Variants in OR1B1 observed in about 807,000 individuals in gnomAD.
The protein encoded by OR1B1 is olfactory receptor 1B1.
For synonymous variants in OR1B1, 168 were observed against 156.2 expected (o/e 1.08, Z -0.57); for missense variants, 414 against 402.1 (o/e 1.03, Z -0.25).
At chr9:122,653,639 C>A in the OR1B1 span, among the ~76,000 whole-genome samples, 1 of 152,122 alleles carries the variant, frequency 6.6e-6, no homozygotes, top group African/African-American at 2.4e-5. Flanking sequence ...TGTTCTTAAA[C>A]ACCCACCATA....
At chr9:122,629,093 G>T in exon 1 of OR1B1, 1 of 1,614,060 alleles carries the variant, frequency 6.2e-7, no homozygotes, top group African/African-American at 1.3e-5. Flanking sequence ...CCAGCTCAAG[G>T]CTAGTAAGCA....
chr9:122,644,824 C>T, the OR1B1 span, among the ~76,000 whole-genome samples: 1 of 152,208 alleles, frequency 6.6e-6, no homozygotes, highest in East Asian at 1.9e-4. Context: ...AGGACAGGCA[C>T]ACGCAAGCCC....
chr9:122,630,540 A>G (rs930293526), upstream of OR1B1, among the ~76,000 whole-genome samples: 1 of 152,216 alleles, frequency 6.6e-6, no homozygotes, highest in Non-Finnish European at 1.5e-5. Context: ...TAGGTCTTCC[A>G]TACTGATACT....
the OR1B1 span, among the ~76,000 whole-genome samples, chr9:122,641,211 T>C: frequency 8.7e-4 from 133 of 152,278 alleles, no homozygotes; most frequent in Non-Finnish European, 1.6e-3. Flanking sequence ...TTCTGAACAA[T>C]AGTGGTGAAT....
exon 1 of OR1B1, chr9:122,629,515 A>G (rs766679322): frequency 3.1e-6 from 5 of 1,607,650 alleles, no homozygotes; most frequent in Non-Finnish European, 4.2e-6. Flanking sequence ...AGTGTGAAGC[A>G]TTAGGGGCAA....
At chr9:122,655,847 A>G in the OR1B1 span, among the ~76,000 whole-genome samples, 1 of 152,098 alleles carries the variant, frequency 6.6e-6, no homozygotes, top group East Asian at 1.9e-4. Context: ...ACATTAAAAA[A>G]AAAAAAAAGT....
the OR1B1 span, among the ~76,000 whole-genome samples, chr9:122,641,295 A>C: frequency 6.6e-6 from 1 of 152,250 alleles, no homozygotes; most frequent in Non-Finnish European, 1.5e-5. Context: ...TTTTCAAAAA[A>C]TAATTACTGA....
the OR1B1 span, among the ~76,000 whole-genome samples, chr9:122,636,303 T>C: frequency 0.32 from 48,802 of 152,194 alleles, 9,248 homozygotes; most frequent in East Asian, 0.65. Context: ...GATACACACA[T>C]GCATGCACGC....
the OR1B1 span, among the ~76,000 whole-genome samples, chr9:122,652,647 T>G: frequency 4.6e-5 from 7 of 152,346 alleles, no homozygotes; most frequent in East Asian, 1.3e-3. Flanking sequence ...TTCATATATA[T>G]TCTACTGACT....
At chr9:122,654,043 T>C in the OR1B1 span, among the ~76,000 whole-genome samples, 1 of 151,948 alleles carries the variant, frequency 6.6e-6, no homozygotes, top group Non-Finnish European at 1.5e-5. Flanking sequence ...AAAAAGAGAC[T>C]CTTTTCCATA....
chr9:122,638,533 G>C, the OR1B1 span, among the ~76,000 whole-genome samples: 5 of 152,102 alleles, frequency 3.3e-5, no homozygotes, highest in South Asian at 8.3e-4. Flanking sequence ...TCAGCACCAG[G>C]ATACTCAAGC....
chr9:122,630,971 G>A (rs1830197870), upstream of OR1B1, among the ~76,000 whole-genome samples: 1 of 152,036 alleles, frequency 6.6e-6, no homozygotes, highest in Admixed American at 6.5e-5. Flanking sequence ...CTCCCAAAGT[G>A]CTGGGATTAC....
chr9:122,647,945 A>G, the OR1B1 span, among the ~76,000 whole-genome samples: 1 of 152,214 alleles, frequency 6.6e-6, no homozygotes, highest in Non-Finnish European at 1.5e-5. Flanking sequence ...TCAAGAGTAA[A>G]TATGTGTGAA....
the OR1B1 span, among the ~76,000 whole-genome samples, chr9:122,649,149 G>A: frequency 3.9e-5 from 6 of 152,138 alleles, no homozygotes; most frequent in Non-Finnish European, 7.4e-5. Context: ...AAGCAATGGG[G>A]GAAAGGATTC....
chr9:122,628,845 T>C (rs770171211), exon 1 of OR1B1: 25 of 1,613,912 alleles, frequency 1.5e-5, no homozygotes, highest in Middle Eastern at 1.6e-4. Flanking sequence ...AAACGTAGAA[T>C]AGCGGCCCCA....
At chr9:122,636,273 T>C in the OR1B1 span, among the ~76,000 whole-genome samples, 1 of 152,248 alleles carries the variant, frequency 6.6e-6, no homozygotes, top group African/African-American at 2.4e-5. Context: ...CACACACATA[T>C]ACACATATGA....
the OR1B1 span, among the ~76,000 whole-genome samples, chr9:122,654,352 G>A: frequency 4.6e-5 from 7 of 152,188 alleles, no homozygotes; most frequent in African/African-American, 1.7e-4. Context: ...CTTGCTCACA[G>A]CATCTATCTG....
At chr9:122,647,542 A>T in the OR1B1 span, among the ~76,000 whole-genome samples, 1 of 152,326 alleles carries the variant, frequency 6.6e-6, no homozygotes, top group South Asian at 2.1e-4. Flanking sequence ...AGGAAAAAAA[A>T]TAATAAAGAT....
chr9:122,656,683 C>T, the OR1B1 span, among the ~76,000 whole-genome samples: 1 of 152,266 alleles, frequency 6.6e-6, no homozygotes, highest in East Asian at 1.9e-4. Context: ...TATTCCATTA[C>T]AGCAGCAGAA....
Sources: allele counts gnomAD v4.1 joint callset (sites outside exome capture counted in the v4.1 genomes callset), GRCh38; gene constraint gnomAD v4.1.1; transcripts MANE v1.5; gene names NCBI Gene and HGNC (gene_info 2026-07-23, HGNC 2026-07-21).